Variants in TDRD7 observed in about 807,000 individuals in gnomAD.
The protein encoded by TDRD7 is tudor domain containing 7.
A neutral mutation model predicts 109.8 loss-of-function variants in TDRD7; 47 were observed. The observed-to-expected ratio is 0.43, with a 90% CI of 0.34 to 0.55. The LOEUF (loss-of-function observed/expected upper bound fraction) is 0.55. TDRD7 is among the 20% of genes least tolerant of loss of function. TDRD7 has a pLI of 0.03. For synonymous variants in TDRD7, 424 were observed against 457.3 expected, an observed-to-expected ratio of 0.93 and a Z score of 0.93; for missense variants, 1,164 against 1,319.2, an observed-to-expected ratio of 0.88 and a Z score of 1.82.
chr9:97,448,575 T>A (rs1828438598), intron 6 of TDRD7, among the ~76,000 whole-genome samples: 1 of 152,232 alleles, frequency 6.6e-6, no homozygotes. Flanking sequence ...CACTCAGGGA[T>A]CTTTTATTCA....
At chr9:97,441,172 A>T (rs1027783492) in intron 5 of TDRD7, among the ~76,000 whole-genome samples, 4 of 152,182 alleles carry the variant, frequency 2.6e-5, no homozygotes, top group African/African-American at 9.6e-5. Flanking sequence ...TGATCATAAT[A>T]TTCAAACTCA....
At chr9:97,468,444 C>A (rs768392018) in intron 8 of TDRD7, among the ~76,000 whole-genome samples, 1 of 152,176 alleles carries the variant, frequency 6.6e-6, no homozygotes, top group Non-Finnish European at 1.5e-5. Flanking sequence ...AAAGGTAGCT[C>A]GGTATTTTGT....
intron 7 of TDRD7, among the ~76,000 whole-genome samples, chr9:97,463,998 T>G (rs1219330800): frequency 2.0e-5 from 3 of 152,210 alleles, no homozygotes; most frequent in Non-Finnish European, 4.4e-5. Context: ...CTCACAGCTT[T>G]GTTTTTTCTC....
chr9:97,478,313 A>T, intron 12 of TDRD7, 126 bp from the exon 13 acceptor site: 2 of 907,506 alleles, frequency 2.2e-6, no homozygotes, highest in South Asian at 3.6e-5. Flanking sequence ...AAATTAGGGG[A>T]AAATTTTAAC....
rs912533047 is a variant in TDRD7, at chr9:97,460,268, G to A, written c.946G>A (p.Val316Ile). 5.6e-6 allele frequency: 9 copies of A among 1,614,096 alleles called. 1 individual carries two copies. In the Middle Eastern group the frequency reaches 4.9e-4, roughly 88 times the overall value. The change falls in exon 7 of 17, where the codon GTA becomes ATA. Residue 316 changes from valine to isoleucine, a missense_variant. By Grantham distance (29) the Val-to-Ile change is conservative. This residue lies in a region of TDRD7 where 407 missense variants were observed against 394.0 expected (regional missense o/e 1.03). Transcript: ENST00000355295. ...LLRSELDTEK[V>I]PLSPLPGPKQ... ...GAGAAGTGAACTGGATACTGAGAAA[G>A]TACCTCTATCCCCACTACCTGGTCC... is the stretch of plus-strand genomic sequence containing the variant.
At position 97,496,046 on chromosome 9, in the gene TDRD7, T is replaced by C. The variant is rs1053313061; in HGVS notation, c.*163T>C. 3 of 638,438 alleles carry C rather than the reference T, an allele frequency of 4.7e-6. No homozygotes were observed. The highest frequency in any genetic ancestry group is 3.7e-5 in the African/African-American group (2 of 54,548). The allele number at this position is 638,438 out of a possible 1,614,324, so 39.5% of individuals were successfully genotyped here. On this transcript the variant is annotated 3_prime_UTR_variant, in exon 17 of 17. Transcript: ENST00000355295. The stretch of plus-strand genomic sequence containing the variant: ...GAAAGATATTTAACAAGTTTTGTTT[T>C]AACAGAGTTGACTTTTCAAAGAAAA...
intron 3 of TDRD7, among the ~76,000 whole-genome samples, chr9:97,431,571 G>A (rs1828104714): frequency 6.6e-6 from 1 of 152,118 alleles, no homozygotes; most frequent in Admixed American, 6.6e-5. Flanking sequence ...CCATGAAGTG[G>A]TTCAATGATA....
intron 4 of TDRD7, among the ~76,000 whole-genome samples, chr9:97,435,387 T>A (rs1828176414): frequency 6.6e-6 from 1 of 151,634 alleles, no homozygotes; most frequent in South Asian, 2.1e-4. Context: ...TCCAACACTT[T>A]AGGAGGCTGA....
chr9:97,446,109 G>A (rs982182650), intron 6 of TDRD7, among the ~76,000 whole-genome samples: 3 of 152,200 alleles, frequency 2.0e-5, no homozygotes, highest in African/African-American at 7.2e-5. Context: ...CAGCCTGGGT[G>A]ACAGCATGAG....
chr9:97,414,103 C>T (rs1051779955), intron 1 of TDRD7, among the ~76,000 whole-genome samples: 1 of 152,096 alleles, frequency 6.6e-6, no homozygotes, highest in African/African-American at 2.4e-5. Context: ...CACAGAAGTT[C>T]CTTGGTGAAA....
chr9:97,457,238 C>T (rs1428619583), intron 6 of TDRD7, among the ~76,000 whole-genome samples: 1 of 152,062 alleles, frequency 6.6e-6, no homozygotes, highest in Non-Finnish European at 1.5e-5. Flanking sequence ...ATTAGTTCAA[C>T]TGTTGTGGAA....
At chr9:97,491,884 C>T (rs879935952) in intron 16 of TDRD7, among the ~76,000 whole-genome samples, 1 of 152,142 alleles carries the variant, frequency 6.6e-6, no homozygotes, top group Non-Finnish European at 1.5e-5. Flanking sequence ...ACTGTGAGTA[C>T]CAGGTAGTGC....
intron 1 of TDRD7, among the ~76,000 whole-genome samples, chr9:97,417,629 G>A (rs1478975462): frequency 6.6e-6 from 1 of 152,188 alleles, no homozygotes. Flanking sequence ...TGAGATCCAG[G>A]AGAAGGGGCT....
At chr9:97,487,629 T>C (rs1829234309) in intron 16 of TDRD7, among the ~76,000 whole-genome samples, 1 of 152,084 alleles carries the variant, frequency 6.6e-6, no homozygotes, top group South Asian at 2.1e-4. Context: ...ATTCTGCTTT[T>C]CTTCATCTAG....
chr9:97,449,370 C>T (rs1304719112), intron 6 of TDRD7, among the ~76,000 whole-genome samples: 1 of 152,216 alleles, frequency 6.6e-6, no homozygotes, highest in Non-Finnish European at 1.5e-5. Flanking sequence ...TCTACATATA[C>T]ACTAGTTGCG....
At chr9:97,423,675 AC>A (rs1437328111) in intron 1 of TDRD7, among the ~76,000 whole-genome samples, 4 of 152,068 alleles carry the variant, frequency 2.6e-5, no homozygotes, top group Non-Finnish European at 5.9e-5. Flanking sequence ...TTCCTCTAAT[AC>A]TTTTACCGCA....
intron 6 of TDRD7, among the ~76,000 whole-genome samples, chr9:97,450,619 CCA>C (rs1331436741): frequency 6.6e-6 from 1 of 151,776 alleles, no homozygotes; most frequent in African/African-American, 2.4e-5. Flanking sequence ...AGAATGGACA[CCA>C]CACTGTCCAT....
chr9:97,432,028 A>T lies in TDRD7; in HGVS notation c.353A>T (p.Lys118Ile). Reference sequence around the variant, plus strand: ...TTATGTATGCCTAACTTCATAGGAAAACCAAAAGCAACCCTCAGACAACCA... The same window carrying T: ...TTATGTATGCCTAACTTCATAGGAATACCAAAAGCAACCCTCAGACAACCA... ...KKTMPFFLEG[K>I]PKATLRQPGF... is the part of the protein sequence containing the mutation. Residue 118 changes from lysine (K) to isoleucine (I), a missense_variant, in exon 4 of 17, where the codon AAA becomes ATA. Physicochemically the swap from Lys to Ile is moderately radical, Grantham distance 102. Transcript: ENST00000355295. 6.2e-7 allele frequency: 1 copy of T among 1,613,668 alleles called. No individual in the cohort carries two copies. Among genetic ancestry groups the T allele is most frequent in the South Asian group, 1.1e-5 (1 of 91,072 alleles).
At chr9:97,446,750 G>A (rs1049857771) in intron 6 of TDRD7, among the ~76,000 whole-genome samples, 6 of 151,998 alleles carry the variant, frequency 3.9e-5, no homozygotes, top group Non-Finnish European at 8.8e-5. Flanking sequence ...TTTTAATTAC[G>A]GTAATTAATT....
Sources: allele counts gnomAD v4.1 joint callset (sites outside exome capture counted in the v4.1 genomes callset), GRCh38; gene constraint gnomAD v4.1.1; regional missense constraint gnomAD v4.1.1; transcripts MANE v1.5; gene names NCBI Gene and HGNC (gene_info 2026-07-23, HGNC 2026-07-21).